The following TFDP1 variants were observed in gnomAD, a reference collection of about 807,000 sequenced individuals.
TFDP1 encodes DRTF1-polypeptide 1.
TFDP1 carries 6 observed loss-of-function variants against 48.0 expected under a neutral mutation model. The observed-to-expected ratio is 0.13, with a 90% CI of 0.07 to 0.25. The LOEUF is 0.25. Among genes scored for constraint, TFDP1 ranks in the 10% least tolerant of loss-of-function variants. TFDP1 has a pLI of 1.00. For missense variants in TFDP1, 335 were observed against 543.0 expected, an observed-to-expected ratio of 0.62 and a Z score of 3.81; for synonymous variants, 201 against 211.6, an observed-to-expected ratio of 0.95 and a Z score of 0.44.
chr13:113,587,701 G>A (rs748477709), intron 2 of TFDP1, among the ~76,000 whole-genome samples: 1 of 151,684 alleles, frequency 6.6e-6, no homozygotes, highest in Non-Finnish European at 1.5e-5. Flanking sequence ...TGCCCAGGCT[G>A]GGCTCGAGCT....
chr13:113,594,435 C>T (rs1295699793), intron 2 of TFDP1, among the ~76,000 whole-genome samples: 1 of 151,548 alleles, frequency 6.6e-6, no homozygotes, highest in Non-Finnish European at 1.5e-5. Flanking sequence ...TGATCCTCAG[C>T]CCTGCCCAGG....
chr13:113,628,188 G>A (rs1472970599), intron 4 of TFDP1, among the ~76,000 whole-genome samples: 2 of 151,480 alleles, frequency 1.3e-5, no homozygotes, highest in South Asian at 2.1e-4. Context: ...TGTAAAGACT[G>A]TGTCTGAAGC....
In TFDP1 at chr13:113,640,606, A is replaced by G. The variant is rs1474113798; in HGVS notation, c.*339A>G. ...AAGAAATTGTATTTCAACCACATCC[A>G]TGAAAATAAAACACCTCCTGTTGTG... On this transcript the variant is annotated 3_prime_UTR_variant, in exon 12 of 12. Transcript: ENST00000375370. 3 of 286,268 alleles carry G rather than the reference A, an allele frequency of 1.0e-5. No individual in the cohort carries two copies. Among genetic ancestry groups the G allele is most frequent in the African/African-American group, 7.0e-5 (3 of 42,554 alleles). The allele number at this position is 286,268 out of a possible 1,614,324, so 17.7% of individuals were successfully genotyped here.
intron 4 of TFDP1, among the ~76,000 whole-genome samples, chr13:113,629,375 G>C (rs1468109219): frequency 6.6e-6 from 1 of 152,228 alleles, no homozygotes; most frequent in Non-Finnish European, 1.5e-5. Context: ...TTGTTGGTGA[G>C]CACCATTGAG....
chr13:113,594,227 G>T (rs2048227568), intron 2 of TFDP1, among the ~76,000 whole-genome samples: 1 of 145,952 alleles, frequency 6.9e-6, no homozygotes, highest in South Asian at 2.2e-4. Context: ...GGTGTACACG[G>T]GTCCTCAGCC....
chr13:113,596,565 G>A (rs1321324585), intron 2 of TFDP1, among the ~76,000 whole-genome samples: 4 of 152,210 alleles, frequency 2.6e-5, no homozygotes, highest in Non-Finnish European at 4.4e-5. Flanking sequence ...GACAGCTCAC[G>A]GGGTGTGCAG....
intron 2 of TFDP1, among the ~76,000 whole-genome samples, chr13:113,594,653 T>C (rs772918262): frequency 1.3e-5 from 2 of 152,248 alleles, no homozygotes; most frequent in Non-Finnish European, 2.9e-5. Context: ...AGGCTTGGGC[T>C]GTGGGTGCCG....
intron 3 of TFDP1, among the ~76,000 whole-genome samples, chr13:113,615,598 T>C (rs74549783): frequency 0.015 from 2,261 of 152,304 alleles, 54 homozygotes; most frequent in East Asian, 0.11. Context: ...ACTGAGAATC[T>C]GCCCACACTG....
At chr13:113,605,482 C>T (rs976435828) in intron 2 of TFDP1, among the ~76,000 whole-genome samples, 2 of 152,218 alleles carry the variant, frequency 1.3e-5, no homozygotes, top group Admixed American at 6.5e-5. Context: ...TCCCACACAG[C>T]GGCTGTGGGT....
At chr13:113,594,092 C>A in intron 2 of TFDP1, among the ~76,000 whole-genome samples, 1 of 132,468 alleles carries the variant, frequency 7.5e-6, no homozygotes, top group African/African-American at 3.4e-5. Context: ...GCCCAGGTGA[C>A]AGGTGTGGTG....
At chr13:113,628,734 G>C (rs2049256652) in intron 4 of TFDP1, among the ~76,000 whole-genome samples, 1 of 152,182 alleles carries the variant, frequency 6.6e-6, no homozygotes, top group Non-Finnish European at 1.5e-5. Flanking sequence ...GCCCAGCTCT[G>C]AACTATCCTT....
chr13:113,620,209 C>T (rs2048964358), intron 3 of TFDP1, among the ~76,000 whole-genome samples: 1 of 152,234 alleles, frequency 6.6e-6, no homozygotes, highest in Non-Finnish European at 1.5e-5. Flanking sequence ...GTCTCAGCTA[C>T]ACTGCTGTCC....
At chr13:113,638,172 C>T (rs773663570) in intron 11 of TFDP1, among the ~76,000 whole-genome samples, 1 of 152,138 alleles carries the variant, frequency 6.6e-6, no homozygotes, top group Non-Finnish European at 1.5e-5. Flanking sequence ...CCACCCAAAT[C>T]CTCCTGTCCC....
intron 2 of TFDP1, among the ~76,000 whole-genome samples, chr13:113,604,193 T>A (rs1445580929): frequency 6.7e-6 from 1 of 149,558 alleles, no homozygotes; most frequent in Admixed American, 6.7e-5. Context: ...AATTAAACTA[T>A]TTGTGTTTTG....
intron 2 of TFDP1, among the ~76,000 whole-genome samples, chr13:113,589,256 A>G (rs2048081412): frequency 6.6e-6 from 1 of 152,172 alleles, no homozygotes; most frequent in African/African-American, 2.4e-5. Context: ...TACTCTGTTA[A>G]GTGGGAGAAT....
chr13:113,625,880 GCGTCCTCAGGTGTCTCTCACA>G (rs1566667672), intron 4 of TFDP1, among the ~76,000 whole-genome samples: 11 of 134,402 alleles, frequency 8.2e-5, no homozygotes, highest in South Asian at 2.6e-4. Context: ...TGTCTCTCAC[GCGTCCTCAGGTGTCTCTCACA>G]TGTCCTCAGG....
Position 113,607,174 on chromosome 13 carries a change from C to T in TFDP1, c.13-3822C>T, listed in dbSNP as rs1268645306. On this transcript the variant is annotated intron_variant, in intron 2 of 11. Coordinates refer to ENST00000375370, the MANE Select transcript of TFDP1 (RefSeq NM_007111.5). This position sits in a 1 kb window ranked among gnomAD's most constrained non-coding sequence, Gnocchi z 5.2. The stretch of plus-strand genomic sequence containing the variant: ...GAGGCTGGCCCCTGACAGAGCCGTG[C>T]AGGCGGCAGCGGCAGCACTGTTGCT... Among the ~76,000 whole-genome samples the T allele has an allele frequency of 6.6e-6, 1 of 152,176 alleles. No individual in the cohort carries two copies. The highest frequency in any genetic ancestry group is 2.4e-5 in the African/African-American group (1 of 41,440).
chr13:113,615,914 AATGAGTAGGCTGGGC>A (rs1316311344), intron 3 of TFDP1, among the ~76,000 whole-genome samples: 1 of 152,058 alleles, frequency 6.6e-6, no homozygotes, highest in African/African-American at 2.4e-5. Context: ...CCTGTCTCAA[AATGAGTAGGCTGGGC>A]ATGGTGGCTC....
Position 113,623,436 on chromosome 13 carries a change from T to A in TFDP1, c.186+150T>A. The stretch of plus-strand genomic sequence containing the variant: ...CCCTCATCAGGGAGCCCGTGGCCAG[T>A]GCTAGATTTTCCATAGCCCTCTGCA... On this transcript the variant is annotated intron_variant, in intron 4 of 11. Transcript: ENST00000375370. This position sits in a 1 kb window ranked among gnomAD's most constrained non-coding sequence, Gnocchi z 5.2. 2 of 729,014 alleles carry A rather than the reference T, an allele frequency of 2.7e-6. No individual in the cohort carries two copies. The highest frequency in any genetic ancestry group is 5.2e-5 in the Admixed American group (2 of 38,466). 45.2% of individuals were successfully genotyped at this position (729,014 alleles called of 1,614,324 possible).
Sources: allele counts gnomAD v4.1 joint callset (sites outside exome capture counted in the v4.1 genomes callset), GRCh38; gene constraint gnomAD v4.1.1; non-coding constraint Gnocchi (gnomAD v3.1); transcripts MANE v1.5; gene names NCBI Gene and HGNC (gene_info 2026-07-23, HGNC 2026-07-21).